Variants in SGCZ observed in about 807,000 individuals in gnomAD.
The protein encoded by SGCZ is zeta-sarcoglycan.
SGCZ carries 40 observed loss-of-function variants against 41.3 expected under a neutral mutation model. That is an observed-to-expected ratio of 0.97 (90% CI 0.75 to 1.26). The LOEUF is 1.26. Among genes scored for constraint, SGCZ ranks in the 50% most tolerant of loss-of-function variants. SGCZ has a pLI of 0.00. For missense variants in SGCZ, 552 were observed against 369.8 expected (o/e 1.49, Z -4.04); for synonymous variants, 206 against 137.5 (o/e 1.50, Z -3.49).
At chr8:14,206,582 T>C (rs1805623027) in intron 4 of SGCZ, among the ~76,000 whole-genome samples, 1 of 152,138 alleles carries the variant, frequency 6.6e-6, no homozygotes, top group African/African-American at 2.4e-5. Context: ...TTGAAAGCAA[T>C]GCCCTGGAAA....
chr8:14,703,975 T>C (rs898065866), intron 1 of SGCZ, among the ~76,000 whole-genome samples: 10 of 152,050 alleles, frequency 6.6e-5, no homozygotes, highest in Middle Eastern at 3.2e-3. Context: ...ACTGAATTGA[T>C]GCTTTAATAA....
chr8:14,421,776 G>C (rs1461099422), intron 2 of SGCZ, among the ~76,000 whole-genome samples: 2 of 151,844 alleles, frequency 1.3e-5, no homozygotes, highest in Non-Finnish European at 2.9e-5. Context: ...GCTCAAAATA[G>C]GGCTTGATAT....
chr8:15,168,494 T>C (rs166533), intron 1 of SGCZ, among the ~76,000 whole-genome samples: 133,018 of 152,170 alleles, frequency 0.87, 58,157 homozygotes, highest in East Asian at 0.9. Flanking sequence ...TTCATGGGCG[T>C]GAGCTGCTTT....
intron 1 of SGCZ, among the ~76,000 whole-genome samples, chr8:14,910,982 A>G (rs1799265537): frequency 6.6e-6 from 1 of 152,002 alleles, no homozygotes; most frequent in Admixed American, 6.6e-5. Flanking sequence ...TCTAACAATC[A>G]TATCACTCAT....
At chr8:14,313,606 G>A (rs1350786220) in intron 3 of SGCZ, among the ~76,000 whole-genome samples, 2 of 152,180 alleles carry the variant, frequency 1.3e-5, no homozygotes, top group African/African-American at 4.8e-5. Context: ...AAAGTTCTGG[G>A]ATTACAGGTG....
In SGCZ at chr8:14,430,582, A is replaced by G. The variant is rs972328012; in HGVS notation, c.235-106378T>C. ...AGCCCCGTATAACAAACCCACGGCC[A>G]ACATAATACGGAATGGGGAAAAGTT... On this transcript the variant is annotated intron_variant, in intron 2 of 7. Coordinates refer to ENST00000382080, the MANE Select transcript of SGCZ (RefSeq NM_139167.4). 8.5e-5 allele frequency among the ~76,000 whole-genome samples: 13 copies of G among 152,150 alleles called. 1 individual carries two copies. Among genetic ancestry groups the G allele is most frequent in the Non-Finnish European group, 1.3e-4 (9 of 68,030 alleles).
At chr8:14,395,475 G>T (rs967144869) in intron 2 of SGCZ, among the ~76,000 whole-genome samples, 9 of 152,134 alleles carry the variant, frequency 5.9e-5, no homozygotes, top group Admixed American at 5.9e-4. Flanking sequence ...CATATAATCA[G>T]CAATGGCAGA....
In SGCZ at chr8:14,619,715, C is replaced by G. The variant is rs996168672; in HGVS notation, c.40-64789G>C. ...AATTGCTTCAAAGAGAATAAAATACCTAGGAATCCAACTTACAAGGGATTT... is the reference window on the plus strand; with the variant it reads ...AATTGCTTCAAAGAGAATAAAATACGTAGGAATCCAACTTACAAGGGATTT... On this transcript the variant is annotated intron_variant, in intron 1 of 7. Coordinates refer to ENST00000382080, the MANE Select transcript of SGCZ (RefSeq NM_139167.4). Among the ~76,000 whole-genome samples the G allele has an allele frequency of 3.9e-5, 6 of 151,986 alleles. No homozygotes were observed. In the East Asian group the frequency reaches 9.7e-4, roughly 24 times the overall value.
chr8:14,689,603 C>A (rs191389888), intron 1 of SGCZ, among the ~76,000 whole-genome samples: 61 of 152,230 alleles, frequency 4.0e-4, no homozygotes, highest in Non-Finnish European at 7.5e-4. Context: ...TTATATTATA[C>A]ACAAAAGTAC....
chr8:14,803,942 C>G (rs1166738532), intron 1 of SGCZ, among the ~76,000 whole-genome samples: 5 of 113,760 alleles, frequency 4.4e-5, no homozygotes, highest in Non-Finnish European at 8.5e-5. Context: ...AGCCGCCTAA[C>G]TGGGAGGCAC....
intron 1 of SGCZ, among the ~76,000 whole-genome samples, chr8:14,671,895 A>C (rs1266709878): frequency 6.6e-6 from 1 of 152,180 alleles, no homozygotes; most frequent in Non-Finnish European, 1.5e-5. Context: ...TAAACATACT[A>C]ATGTAATTAA....
At chr8:15,182,616 G>C (rs1800210901) in intron 1 of SGCZ, among the ~76,000 whole-genome samples, 1 of 152,064 alleles carries the variant, frequency 6.6e-6, no homozygotes, top group South Asian at 2.1e-4. Context: ...TACCATGAAT[G>C]GAGCTTGCAA....
chr8:14,112,283 T>TGG lies in SGCZ; in HGVS notation c.548-4050_548-4049dup, dbSNP rs796504633. ...TGAATTTTTTGAGTTTTTTTTTTTG[T>TGG]GGGGGGGGGGTGCAAAGAAGGGAAT... is the stretch of plus-strand genomic sequence containing the variant. On this transcript the variant is annotated intron_variant, in intron 5 of 7. Transcript: ENST00000382080. Among the ~76,000 whole-genome samples the TGG allele has an allele frequency of 4.3e-3, 491 of 113,790 alleles. 4 individuals carry two copies. The highest frequency in any genetic ancestry group is 0.013 in the African/African-American group (404 of 31,394). The allele number at this position is 113,790 out of a possible 152,430, so 74.7% of individuals were successfully genotyped here.
intron 2 of SGCZ, among the ~76,000 whole-genome samples, chr8:14,507,061 C>A (rs1226676963): frequency 6.6e-6 from 1 of 152,166 alleles, no homozygotes; most frequent in Non-Finnish European, 1.5e-5. Flanking sequence ...CTGATCTTGA[C>A]AGCTCCACTT....
intron 1 of SGCZ, among the ~76,000 whole-genome samples, chr8:14,673,831 A>T (rs2117518177): frequency 6.6e-6 from 1 of 152,330 alleles, no homozygotes. Context: ...CCCTAAAATT[A>T]ATGCAAAAGA....
chr8:14,199,598 C>G (rs534694774), intron 4 of SGCZ, among the ~76,000 whole-genome samples: 1 of 151,996 alleles, frequency 6.6e-6, no homozygotes. Flanking sequence ...GGGGGCATCA[C>G]GGAACCTGCT....
chr8:15,154,272 A>G (rs913818674), intron 1 of SGCZ, among the ~76,000 whole-genome samples: 1 of 152,190 alleles, frequency 6.6e-6, no homozygotes, highest in Non-Finnish European at 1.5e-5. Flanking sequence ...ACAAGGATAT[A>G]TTTCTCACTC....
At chr8:14,554,455 T>C (rs915091113) in intron 2 of SGCZ, among the ~76,000 whole-genome samples, 1 of 152,082 alleles carries the variant, frequency 6.6e-6, no homozygotes. Flanking sequence ...TCATACTTAC[T>C]GGTTAAATGT....
At chr8:14,543,658 C>T (rs1803535812) in intron 2 of SGCZ, among the ~76,000 whole-genome samples, 1 of 152,032 alleles carries the variant, frequency 6.6e-6, no homozygotes, top group Non-Finnish European at 1.5e-5. Flanking sequence ...ATCACGGATC[C>T]TACTTGGCCA....
Sources: allele counts gnomAD v4.1 joint callset (sites outside exome capture counted in the v4.1 genomes callset), GRCh38; gene constraint gnomAD v4.1.1; transcripts MANE v1.5; gene names NCBI Gene and HGNC (gene_info 2026-07-23, HGNC 2026-07-21).